The following KCNB2 variants were observed in gnomAD, a reference collection of about 807,000 sequenced individuals.
KCNB2 encodes delayed rectifier potassium channel protein.
Under a neutral mutation model 61.5 loss-of-function variants are expected in KCNB2, and 15 were observed. The observed-to-expected ratio is 0.24, with a 90% confidence interval of 0.16 to 0.38. KCNB2 has a LOEUF of 0.38. Ranked by LOEUF, KCNB2 falls within the 10% of genes least tolerant of loss-of-function variation. KCNB2 has a pLI of 1.00. For synonymous variants in KCNB2, 457 were observed against 446.0 expected (o/e 1.02, Z -0.31); for missense variants, 828 against 1,125.2 (o/e 0.74, Z 3.78).
At chr8:72,891,613 CAA>C (rs1563415196) in intron 2 of KCNB2, among the ~76,000 whole-genome samples, 1 of 152,158 alleles carries the variant, frequency 6.6e-6, no homozygotes, top group African/African-American at 2.4e-5. Flanking sequence ...CACTTAAGTA[CAA>C]CACCTAAACT....
chr8:72,868,313 C>T (rs1187817651), intron 2 of KCNB2, among the ~76,000 whole-genome samples: 1 of 151,822 alleles, frequency 6.6e-6, no homozygotes, highest in East Asian at 2.0e-4. Context: ...GGCGCAGTGG[C>T]TCACACCTGT....
At chr8:72,805,644 G>A (rs890309535) in intron 2 of KCNB2, among the ~76,000 whole-genome samples, 5 of 152,178 alleles carry the variant, frequency 3.3e-5, no homozygotes, top group Non-Finnish European at 7.3e-5. Flanking sequence ...TCATTAACCA[G>A]ATTGATTCAT....
At position 72,937,654 on chromosome 8, in the gene KCNB2, C is replaced by T. The variant is rs1196389232; in HGVS notation, c.2299C>T (p.Pro767Ser). 1.9e-6 allele frequency: 3 copies of T among 1,613,954 alleles called. No individual in the cohort carries two copies. The African/African-American group carries it at 4.0e-5, about 22-fold the overall frequency. ...LEETPSQGDRPLLGTEVSAPC... is the reference protein window; with the variant it reads ...LEETPSQGDRSLLGTEVSAPC... ...AGAAACCCCCTCCCAGGGAGACAGA[C>T]CCTTGCTGGGCACTGAGGTTTCAGC... The change falls in exon 3 of 3, where the codon CCC (proline) becomes TCC (serine). Residue 767 changes from proline to serine, a missense_variant. Coordinates refer to ENST00000523207, the MANE Select transcript of KCNB2 (RefSeq NM_004770.3).
chr8:72,703,261 G>A (rs1232721611), intron 2 of KCNB2, among the ~76,000 whole-genome samples: 3 of 152,168 alleles, frequency 2.0e-5, no homozygotes, highest in Non-Finnish European at 2.9e-5. Flanking sequence ...TGTGAGATAA[G>A]AGTAGCAAGG....
At chr8:72,933,301 C>T (rs1332709445) in intron 2 of KCNB2, among the ~76,000 whole-genome samples, 2 of 152,210 alleles carry the variant, frequency 1.3e-5, no homozygotes, top group East Asian at 3.8e-4. Context: ...AAGTGACCTA[C>T]AGTCTAGCTC....
At chr8:72,907,066 A>C (rs1162308901) in intron 2 of KCNB2, among the ~76,000 whole-genome samples, 2 of 152,160 alleles carry the variant, frequency 1.3e-5, no homozygotes, top group Non-Finnish European at 1.5e-5. Context: ...CAACCTTTAA[A>C]AACTATTTAA....
At chr8:72,701,778 G>A (rs753678459) in intron 2 of KCNB2, among the ~76,000 whole-genome samples, 1 of 152,086 alleles carries the variant, frequency 6.6e-6, no homozygotes, top group Non-Finnish European at 1.5e-5. Context: ...TTGGGGGAAT[G>A]GTTGAGTGAT....
At chr8:72,696,491 G>T (rs1807020384) in intron 2 of KCNB2, among the ~76,000 whole-genome samples, 1 of 152,146 alleles carries the variant, frequency 6.6e-6, no homozygotes, top group Non-Finnish European at 1.5e-5. Flanking sequence ...TGGAAGTGGT[G>T]TTGGGGGGTT....
chr8:72,597,169 G>A lies in KCNB2; in HGVS notation c.579+28856G>A, dbSNP rs556196754. 8.6e-5 allele frequency among the ~76,000 whole-genome samples: 13 copies of A among 151,806 alleles called. No individual in the cohort carries two copies. In the South Asian group the frequency reaches 1.0e-3, roughly 12 times the overall value. On this transcript the variant is annotated intron_variant, in intron 2 of 2. Transcript: ENST00000523207. The stretch of plus-strand genomic sequence containing the variant: ...CTCCTGAGTAGCTGGGACTACAGGC[G>A]CACGCCACCACACTCAGCTAATTTT...
At chr8:72,888,572 A>G (rs565621878) in intron 2 of KCNB2, among the ~76,000 whole-genome samples, 6 of 152,374 alleles carry the variant, frequency 3.9e-5, no homozygotes, top group African/African-American at 1.4e-4. Context: ...ATTGTTTTTG[A>G]CACAGCTATG....
intron 2 of KCNB2, among the ~76,000 whole-genome samples, chr8:72,887,450 T>C (rs1411409450): frequency 1.3e-5 from 2 of 152,186 alleles, no homozygotes; most frequent in African/African-American, 2.4e-5. Context: ...CTGATTTTCT[T>C]GGATGGCCCA....
At chr8:72,671,093 T>G (rs2246437) in intron 2 of KCNB2, among the ~76,000 whole-genome samples, 1 of 152,058 alleles carries the variant, frequency 6.6e-6, no homozygotes, top group Non-Finnish European at 1.5e-5. Context: ...ATTTGACAGA[T>G]GTTTTATGCA....
chr8:72,803,628 G>A (rs1442599692), intron 2 of KCNB2, among the ~76,000 whole-genome samples: 2 of 152,128 alleles, frequency 1.3e-5, no homozygotes, highest in East Asian at 1.9e-4. Flanking sequence ...GTGAGATTAC[G>A]GGTCTGAAAG....
At chr8:72,774,912 C>T (rs972732439) in intron 2 of KCNB2, among the ~76,000 whole-genome samples, 4 of 152,084 alleles carry the variant, frequency 2.6e-5, no homozygotes, top group Non-Finnish European at 5.9e-5. Flanking sequence ...CAGAGACAGA[C>T]AGCAACCCAA....
chr8:72,816,823 G>A (rs964463621), intron 2 of KCNB2, among the ~76,000 whole-genome samples: 3 of 152,142 alleles, frequency 2.0e-5, no homozygotes, highest in African/African-American at 7.2e-5. Flanking sequence ...TCAATGGTGG[G>A]CCTCCACTGC....
chr8:72,592,447 T>C (rs531114671), intron 2 of KCNB2, among the ~76,000 whole-genome samples: 1 of 123,512 alleles, frequency 8.1e-6, no homozygotes, highest in East Asian at 2.6e-4. Flanking sequence ...GTTAGAATTA[T>C]CAACTCTGTG....
intron 2 of KCNB2, among the ~76,000 whole-genome samples, chr8:72,820,651 A>T (rs1485121297): frequency 1.3e-5 from 2 of 151,974 alleles, no homozygotes; most frequent in African/African-American, 4.8e-5. Context: ...GATTGTAGTG[A>T]ATCTTATGAT....
chr8:72,916,403 G>A (rs1215001878), intron 2 of KCNB2, among the ~76,000 whole-genome samples: 6 of 152,086 alleles, frequency 3.9e-5, no homozygotes, highest in African/African-American at 1.4e-4. Flanking sequence ...ACCCCCTCAC[G>A]GGACGGGGAG....
intron 2 of KCNB2, among the ~76,000 whole-genome samples, chr8:72,874,051 C>T (rs1805663242): frequency 6.6e-6 from 1 of 152,214 alleles, no homozygotes; most frequent in African/African-American, 2.4e-5. Flanking sequence ...AAAGAAATAT[C>T]AGTAGGCAAC....
Sources: gnomAD v4.1 joint callset for allele counts (sites outside exome capture counted in the v4.1 genomes callset) on GRCh38, gnomAD v4.1.1 for gene constraint, MANE v1.5 for transcripts, NCBI Gene and HGNC (gene_info 2026-07-23, HGNC 2026-07-21) for gene names.